Variants in IHO1 observed in about 807,000 individuals in gnomAD.
IHO1 encodes the protein interactor of HORMAD1 1.
A neutral mutation model predicts 31.0 loss-of-function variants in IHO1; 13 were observed. That is an observed-to-expected ratio of 0.42 (90% confidence interval 0.27 to 0.67). The LOEUF is 0.67. Among genes scored for constraint, IHO1 ranks in the 30% least tolerant of loss-of-function variants. IHO1 has a pLI of 0.24. For synonymous variants in IHO1, 221 were observed against 248.4 expected (o/e 0.89, Z 1.04); for missense variants, 599 against 687.5 (o/e 0.87, Z 1.44).
At position 49,214,632 on chromosome 3, in the gene IHO1, ATTTTTTTTT is replaced by A. The variant is rs3083884; in HGVS notation, c.56+2812_56+2820del. 9.6e-4 allele frequency among the ~76,000 whole-genome samples: 5 copies of A among 5,188 alleles called. 1 individual carries two copies. The highest frequency in any genetic ancestry group is 1.3e-3 in the Non-Finnish European group (4 of 3,104). The allele number at this position is 5,188 out of a possible 152,430, so 3.4% of individuals were successfully genotyped here. On this transcript the variant is annotated intron_variant, in intron 2 of 7. Transcript: ENST00000452691. ...CATATATATATATATATATATATAT[ATTTTTTTTT>A]TTTTTTTTTTTTTTTGAGACGGAGT...
chr3:49,193,016 C>G, the IHO1 span, among the ~76,000 whole-genome samples: 2 of 152,280 alleles, frequency 1.3e-5, no homozygotes, highest in East Asian at 3.9e-4. Flanking sequence ...TATAGTCACA[C>G]AATGAAATTA....
At chr3:49,222,139 G>T (rs2046361561) in intron 2 of IHO1, among the ~76,000 whole-genome samples, 1 of 152,186 alleles carries the variant, frequency 6.6e-6, no homozygotes, top group Non-Finnish European at 1.5e-5. Context: ...AGAGTCTGTG[G>T]TAGTAGCATA....
At chr3:49,228,970 T>C (rs2046449963) in intron 2 of IHO1, among the ~76,000 whole-genome samples, 1 of 152,128 alleles carries the variant, frequency 6.6e-6, no homozygotes, top group Non-Finnish European at 1.5e-5. Context: ...TACAGAGTGC[T>C]GATTGGGCCA....
chr3:49,226,757 A>G (rs898676709), intron 2 of IHO1, among the ~76,000 whole-genome samples: 3 of 152,218 alleles, frequency 2.0e-5, no homozygotes, highest in African/African-American at 7.2e-5. Context: ...CATCTCTCCA[A>G]GAGAGATCGA....
intron 2 of IHO1, among the ~76,000 whole-genome samples, chr3:49,233,684 G>A (rs1249064941): frequency 6.6e-6 from 1 of 152,142 alleles, no homozygotes; most frequent in African/African-American, 2.4e-5. Flanking sequence ...AACAAAAAAG[G>A]GGGACATGTT....
intron 1 of IHO1, among the ~76,000 whole-genome samples, chr3:49,202,495 T>TTG (rs113425200): frequency 0.017 from 2,171 of 129,868 alleles, 23 homozygotes; most frequent in African/African-American, 0.021. Flanking sequence ...CCGGCTAATT[T>TTG]TGTGTGTGTG....
At position 49,232,926 on chromosome 3, in the gene IHO1, T is replaced by G. The variant is rs138243411; in HGVS notation, c.57-3622T>G. Among the ~76,000 whole-genome samples the G allele has an allele frequency of 2.0e-5, 3 of 152,338 alleles. No homozygotes were observed. In the East Asian group the frequency reaches 5.8e-4, roughly 29 times the overall value. Reference sequence around the variant, plus strand: ...CTCTATGACACATTTACACATGCTTTCTGGTCTCAGTATTTACCATAATAA... The same window carrying G: ...CTCTATGACACATTTACACATGCTTGCTGGTCTCAGTATTTACCATAATAA... On this transcript the variant is annotated intron_variant, in intron 2 of 7. Coordinates refer to ENST00000452691, the MANE Select transcript of IHO1 (RefSeq NM_001135197.2).
intron 6 of IHO1, among the ~76,000 whole-genome samples, chr3:49,254,450 C>T (rs9990153): frequency 0.1 from 15,123 of 151,966 alleles, 829 homozygotes; most frequent in Middle Eastern, 0.11. Flanking sequence ...GGCACATACA[C>T]GGTGCTACCT....
upstream of IHO1, among the ~76,000 whole-genome samples, chr3:49,194,290 G>GTATATATATATATATATATATATA (rs2045984434): frequency 1.7e-5 from 1 of 59,552 alleles, no homozygotes; most frequent in East Asian, 9.4e-4. Context: ...AAAGTACAAA[G>GTATATATATATATATATATATATA]TGTATATATA....
intron 6 of IHO1, chr3:49,245,861 C>T (rs1411251635): frequency 6.6e-6 from 1 of 152,158 alleles, no homozygotes; most frequent in Admixed American, 6.6e-5. Flanking sequence ...CTGGGCATCC[C>T]ACACACAGGG....
At position 49,246,114 on chromosome 3, in the gene IHO1, G is replaced by A. The variant is rs375746871; in HGVS notation, c.532+1381G>A. On this transcript the variant is annotated intron_variant, in intron 6 of 7. Coordinates refer to ENST00000452691, the MANE Select transcript of IHO1 (RefSeq NM_001135197.2). ...GAAGAACTGCTTGAATCTGGGAGGC[G>A]GAGGTGGCAGTGAGCTGAGATGGCG... Among the ~76,000 whole-genome samples the A allele has an allele frequency of 1.9e-4, 29 of 151,004 alleles. 1 individual carries two copies. The highest frequency in any genetic ancestry group is 3.4e-3 in the Middle Eastern group (1 of 294).
chr3:49,244,240 C>T lies in IHO1; in HGVS notation c.396-164C>T, dbSNP rs2046667683. The stretch of plus-strand genomic sequence containing the variant: ...GATGCTGGGACTCTCTTTTTTTTTC[C>T]CTGCTGGGCACTAAGGTTTCTCAGG... On this transcript the variant is annotated intron_variant, in intron 4 of 7. Transcript: ENST00000452691. Among the ~76,000 whole-genome samples the T allele has an allele frequency of 2.6e-5, 4 of 151,628 alleles. No homozygotes were observed. In the South Asian group the frequency reaches 8.3e-4, roughly 31 times the overall value.
intron 6 of IHO1, among the ~76,000 whole-genome samples, chr3:49,250,859 G>A (rs562521808): frequency 9.2e-5 from 14 of 151,928 alleles, no homozygotes; most frequent in African/African-American, 2.2e-4. Flanking sequence ...GTAAAACCCC[G>A]TCTCTACTAC....
At chr3:49,209,380 A>G (rs1461163921) in intron 1 of IHO1, among the ~76,000 whole-genome samples, 1 of 152,162 alleles carries the variant, frequency 6.6e-6, no homozygotes, top group Non-Finnish European at 1.5e-5. Context: ...TACGCCTGTA[A>G]TCCCAGCACT....
At chr3:49,219,880 G>A (rs558720709) in intron 2 of IHO1, among the ~76,000 whole-genome samples, 1 of 152,334 alleles carries the variant, frequency 6.6e-6, no homozygotes, top group South Asian at 2.1e-4. Flanking sequence ...GTATAACAAA[G>A]TAATAGAAGA....
intron 4 of IHO1, 121 bp downstream of exon 4, chr3:49,241,510 A>T: frequency 1.2e-6 from 1 of 821,430 alleles, no homozygotes; most frequent in African/African-American, 1.7e-5. Flanking sequence ...TTCTCCAGAG[A>T]AACCAAACCA....
intron 1 of IHO1, among the ~76,000 whole-genome samples, chr3:49,200,268 C>T (rs1319025796): frequency 6.6e-6 from 1 of 151,892 alleles, no homozygotes; most frequent in African/African-American, 2.4e-5. Context: ...AGCTCGAGAC[C>T]AGCCTGGCCA....
At chr3:49,244,580 C>A in intron 5 of IHO1, 66 bp from the exon 6 acceptor site, 1 of 1,443,728 alleles carries the variant, frequency 6.9e-7, no homozygotes, top group Non-Finnish European at 9.6e-7. Context: ...CATGAAATGA[C>A]AATTCTCTAA....
chr3:49,195,770 G>A (rs764612009), upstream of IHO1, among the ~76,000 whole-genome samples: 10 of 151,446 alleles, frequency 6.6e-5, no homozygotes, highest in Non-Finnish European at 1.2e-4. Context: ...TATAAATAAA[G>A]TGTGCATAGG....
Sources: allele counts gnomAD v4.1 joint callset (sites outside exome capture counted in the v4.1 genomes callset), GRCh38; gene constraint gnomAD v4.1.1; transcripts MANE v1.5; gene names NCBI Gene and HGNC (gene_info 2026-07-23, HGNC 2026-07-21).